The following STX4 variants were observed in gnomAD, a reference collection of about 807,000 sequenced individuals.
STX4 encodes the protein syntaxin 4.
In STX4, 24 loss-of-function variants were observed where a neutral mutation model predicts 41.8. That is an observed-to-expected ratio of 0.57 (90% CI 0.42 to 0.81). The LOEUF (loss-of-function observed/expected upper bound fraction) is 0.81. STX4 is among the 30% of genes least tolerant of loss of function. STX4 has a pLI of 0.00. For missense variants in STX4, 316 were observed against 389.9 expected, an observed-to-expected ratio of 0.81 and a Z score of 1.60; for synonymous variants, 158 against 156.4, an observed-to-expected ratio of 1.01 and a Z score of -0.08.
At position 31,039,988 on chromosome 16, in the gene STX4, G is replaced by A. The variant is rs1388240474; in HGVS notation, c.*92G>A. ...GGGGGCAGGGCAGAGCCTCCAGTCG[G>A]ACCCCTTCCTCACACTGGCCCCTAT... On this transcript the variant is annotated 3_prime_UTR_variant, in exon 11 of 11. Transcript: ENST00000313843. This position sits in a 1 kb window ranked among gnomAD's most constrained non-coding sequence, Gnocchi z 4.1. 2.3e-5 allele frequency: 15 copies of A among 652,234 alleles called. No individual in the cohort carries two copies. Among genetic ancestry groups the A allele is most frequent in the Admixed American group, 1.4e-4 (5 of 35,332 alleles). The allele number at this position is 652,234 out of a possible 1,614,324, so 40.4% of individuals were successfully genotyped here. A position where few individuals can be genotyped will look rare whatever the true frequency, so the allele number is the denominator to read the frequency against.
At position 31,034,497 on chromosome 16, in the gene STX4, A is replaced by C. The variant is rs139153719; in HGVS notation, c.268A>C (p.Ile90Leu). 8.7e-6 allele frequency: 14 copies of C among 1,604,476 alleles called. No individual in the cohort carries two copies. Among genetic ancestry groups the C allele is most frequent in the Non-Finnish European group, 1.2e-5 (14 of 1,174,108 alleles). ...KQELQNLRDE[I>L]KQLGREIRLQ... The stretch of plus-strand genomic sequence containing the variant: ...GGAGCTGCAGAACCTGCGCGATGAG[A>C]TCAAACAGCTGGGGAGGGAGATCCG... The change falls in exon 4 of 11, where the codon ATC (isoleucine) becomes CTC (leucine). Residue 90 changes from isoleucine to leucine, a missense_variant. Coordinates refer to ENST00000313843, the MANE Select transcript of STX4 (RefSeq NM_004604.5).
At chr16:31,037,734 T>C (rs1379731255) in intron 5 of STX4, among the ~76,000 whole-genome samples, 192 bp from the exon 6 acceptor site, 1 of 151,940 alleles carries the variant, frequency 6.6e-6, no homozygotes, top group Non-Finnish European at 1.5e-5. Context: ...GAGGACCACA[T>C]AGGCCTGATA....
rs1481065149 is a variant in STX4, at chr16:31,040,069, C to A, written c.*173C>A. ...GCAGCTGCTCATTCATGATGGCCTCCTCCTTCAGGCCTCAATGCCTGGGGG... is the reference window on the plus strand; with the variant it reads ...GCAGCTGCTCATTCATGATGGCCTCATCCTTCAGGCCTCAATGCCTGGGGG... On this transcript the variant is annotated 3_prime_UTR_variant, in exon 11 of 11. Transcript: ENST00000313843. 2 of 548,876 alleles carry A rather than the reference C, an allele frequency of 3.6e-6. No homozygotes were observed. The highest frequency in any genetic ancestry group is 3.3e-6 in the Non-Finnish European group (1 of 304,908). The allele number at this position is 548,876 out of a possible 1,614,324, so 34.0% of individuals were successfully genotyped here.
intron 7 of STX4, 72 bp downstream of exon 7, chr16:31,038,262 C>A: frequency 6.3e-7 from 1 of 1,581,246 alleles, no homozygotes; most frequent in Non-Finnish European, 8.6e-7. Flanking sequence ...TTCTCGACCT[C>A]CTGGGCTCAG....
chr16:31,034,990 G>A lies in STX4; in HGVS notation c.328G>A (p.Glu110Lys). The A allele has an allele frequency of 6.2e-7, 1 of 1,611,198 alleles. No homozygotes were observed. Among genetic ancestry groups the A allele is most frequent in the Non-Finnish European group, 8.5e-7 (1 of 1,179,092 alleles). The change falls in exon 5 of 11, where the codon GAA becomes AAA. Residue 110 changes from glutamate (E) to lysine (K), a missense_variant. Physicochemically the swap from Glu to Lys is moderately conservative, Grantham distance 56. Coordinates refer to ENST00000313843, the MANE Select transcript of STX4 (RefSeq NM_004604.5). The stretch of plus-strand genomic sequence containing the variant: ...CACAGCCATAGAGCCCCAGAAGGAG[G>A]AAGCTGATGAGAACTATAACTCCGT... ...QLKAIEPQKE[E>K]ADENYNSVNT...
intron 8 of STX4, 135 bp downstream of exon 8, chr16:31,038,782 C>T (rs955435359): frequency 8.6e-7 from 1 of 1,164,118 alleles, no homozygotes; most frequent in Non-Finnish European, 1.2e-6. Flanking sequence ...GTGCTTATTC[C>T]TATCCTTAGC....
At chr16:31,037,821 C>T (rs532159418) in intron 5 of STX4, 105 bp from the exon 6 acceptor site, 28 of 1,117,256 alleles carry the variant, frequency 2.5e-5, no homozygotes, top group East Asian at 1.9e-4. Flanking sequence ...TGGCAGATCC[C>T]GCATAAGAGC....
At position 31,033,636 on chromosome 16, in the gene STX4, G is replaced by C. The variant is rs2056773117; in HGVS notation, c.-170G>C. 3 of 1,474,772 alleles carry C rather than the reference G, an allele frequency of 2.0e-6. No homozygotes were observed. Among genetic ancestry groups the C allele is most frequent in the Non-Finnish European group, 2.7e-6 (3 of 1,114,110 alleles). 91.4% of individuals were successfully genotyped at this position (1,474,772 alleles called of 1,614,324 possible). A position where few individuals can be genotyped will look rare whatever the true frequency, so the allele number is the denominator to read the frequency against. On this transcript the variant is annotated 5_prime_UTR_variant, in exon 1 of 11. Coordinates refer to ENST00000313843, the MANE Select transcript of STX4 (RefSeq NM_004604.5). The surrounding 1 kb of genome is among the most constrained non-coding windows in gnomAD (Gnocchi z 5.5). ...ACCTTGGGGGGTCCCCGGGGTCGGCGCCTTCCCATTGACTGTGGGCGGTGC... is the reference window on the plus strand; with the variant it reads ...ACCTTGGGGGGTCCCCGGGGTCGGCCCCTTCCCATTGACTGTGGGCGGTGC...
Position 31,034,213 on chromosome 16 carries a change from T to C in STX4, c.133-13T>C, listed in dbSNP as rs780963217. The C allele has an allele frequency of 5.6e-6, 9 of 1,613,924 alleles. No individual in the cohort carries two copies. The Admixed American group carries it at 1.5e-4, about 27-fold the overall frequency. The stretch of plus-strand genomic sequence containing the variant: ...CCCATATCTCTTTCAGCCCTCTCGG[T>C]CACCCTCCCCAGGTCCGGACAATTC... On this transcript the variant is annotated splice_polypyrimidine_tract_variant and intron_variant, in intron 2 of 10. Coordinates refer to ENST00000313843, the MANE Select transcript of STX4 (RefSeq NM_004604.5).
Position 31,038,637 on chromosome 16 carries a change from T to C in STX4, c.692T>C (p.Val231Ala), listed in dbSNP as rs1375621480. 2 of 1,614,012 alleles carry C rather than the reference T, an allele frequency of 1.2e-6. No homozygotes were observed. The highest frequency in any genetic ancestry group is 1.7e-6 in the Non-Finnish European group (2 of 1,179,988). ...ATATTCACTTTTCTGGCTACCGAAG[T>C]GGAGATGCAGGTGGGTGCCCCGCGC... The part of the protein sequence containing the change: ...HDIFTFLATE[V>A]EMQGEMINRI... The change falls in exon 8 of 11, where the codon GTG becomes GCG. Residue 231 changes from valine (V) to alanine (A), a missense_variant. Coordinates refer to ENST00000313843, the MANE Select transcript of STX4 (RefSeq NM_004604.5).
chr16:31,039,683 G>C lies in STX4; in HGVS notation c.813+32G>C. 4 of 1,614,132 alleles carry C rather than the reference G, an allele frequency of 2.5e-6. No homozygotes were observed. The highest frequency in any genetic ancestry group is 3.4e-6 in the Non-Finnish European group (4 of 1,180,004). On this transcript the variant is annotated intron_variant, in intron 9 of 10. Coordinates refer to ENST00000313843, the MANE Select transcript of STX4 (RefSeq NM_004604.5). This position sits in a 1 kb window ranked among gnomAD's most constrained non-coding sequence, Gnocchi z 4.1. Reference sequence around the variant, plus strand: ...CTCCCAGGCCCGGCCACTGCCCCAGGCACCCTGTGTGACTTCCCTGACCCC... The same window carrying C: ...CTCCCAGGCCCGGCCACTGCCCCAGCCACCCTGTGTGACTTCCCTGACCCC...
At chr16:31,033,376 C>A (rs1332256696), upstream of STX4, 3 of 1,059,732 alleles carry the variant, frequency 2.8e-6, no homozygotes, top group Non-Finnish European at 4.3e-6. This position sits in a 1 kb window ranked among gnomAD's most constrained non-coding sequence, Gnocchi z 5.5. Context: ...ATTCCTACCC[C>A]TTTTGGCAAC....
At chr16:31,034,203 G>T (rs1374770220) in intron 2 of STX4, 23 bp from the exon 3 acceptor site, 19 of 1,614,054 alleles carry the variant, frequency 1.2e-5, no homozygotes, top group Non-Finnish European at 1.6e-5. Context: ...ATCTCTTTCA[G>T]CCCTCTCGGT....
rs750841502 is a variant in STX4 at position 31,035,042 on chromosome 16, T to G, written c.378+2T>G. 1 of 1,599,608 alleles carries G rather than the reference T, an allele frequency of 6.3e-7. No homozygotes were observed. ...AACACAAGAATGAGAAAAACCCAGG[T>G]GGGTTTTTTTTCTCAGAAATGAGGA... On this transcript the variant is annotated splice_donor_variant, in intron 5 of 10. Coordinates refer to ENST00000313843, the MANE Select transcript of STX4 (RefSeq NM_004604.5). LOFTEE classifies it high-confidence loss of function.
Position 31,033,817 on chromosome 16 carries a change from G to T in STX4, c.12G>T (p.Arg4Ser). 1 of 1,455,188 alleles carries T rather than the reference G, an allele frequency of 6.9e-7. No individual in the cohort carries two copies. Among genetic ancestry groups the T allele is most frequent in the Non-Finnish European group, 9.1e-7 (1 of 1,101,612 alleles). 90.1% of individuals were successfully genotyped at this position (1,455,188 alleles called of 1,614,324 possible). A position where few individuals can be genotyped will look rare whatever the true frequency, so the allele number is the denominator to read the frequency against. Reference protein sequence around the residue: MRDRTHELRQGDDS... With the variant: MRDSTHELRQGDDS... The stretch of plus-strand genomic sequence containing the variant: ...GAGCTCAGGCCGCCATGCGGGACAG[G>T]ACCCACGAGCTGAGACAGGTGAGAC... Residue 4 changes from arginine (R) to serine (S), a missense_variant, in exon 1 of 11, where the codon AGG becomes AGT. Physicochemically the swap from Arg to Ser is moderately radical, Grantham distance 110. Coordinates refer to ENST00000313843, the MANE Select transcript of STX4 (RefSeq NM_004604.5). The surrounding 1 kb of genome is among the most constrained non-coding windows in gnomAD (Gnocchi z 5.5).
Position 31,033,611 on chromosome 16 carries a change from A to T in STX4, c.-195A>T. On this transcript the variant is annotated 5_prime_UTR_variant, in exon 1 of 11. Transcript: ENST00000313843. The surrounding 1 kb of genome is among the most constrained non-coding windows in gnomAD (Gnocchi z 5.5). The stretch of plus-strand genomic sequence containing the variant: ...AGAAAAGGGAATTCCAACCTGTGGA[A>T]CCTTGGGGGGTCCCCGGGGTCGGCG... 2.0e-6 allele frequency: 3 copies of T among 1,494,084 alleles called. No individual in the cohort carries two copies. The highest frequency in any genetic ancestry group is 2.7e-6 in the Non-Finnish European group (3 of 1,121,174). 92.6% of individuals were successfully genotyped at this position (1,494,084 alleles called of 1,614,324 possible).
chr16:31,038,999 G>C (rs1374716616), intron 8 of STX4: 7 of 278,332 alleles, frequency 2.5e-5, no homozygotes, highest in Non-Finnish European at 4.9e-5. Context: ...TCTGTACAAG[G>C]CTGGGGTGGG....
At position 31,038,625 on chromosome 16, in the gene STX4, T is replaced by C. The variant is rs2056821416; in HGVS notation, c.680T>C (p.Leu227Pro). ...IRELHDIFTF[L>P]ATEVEMQGEM... ...GAGCTGCACGACATATTCACTTTTC[T>C]GGCTACCGAAGTGGAGATGCAGGTG... Residue 227 changes from leucine to proline, a missense_variant, in exon 8 of 11, where the codon CTG becomes CCG. Leu to Pro is a moderately conservative substitution (Grantham distance 98). Transcript: ENST00000313843. The C allele has an allele frequency of 6.2e-7, 1 of 1,614,008 alleles. No individual in the cohort carries two copies. The highest frequency in any genetic ancestry group is 8.5e-7 in the Non-Finnish European group (1 of 1,180,044).
In STX4 at chr16:31,033,580, C is replaced by T. The variant is rs963649633; in HGVS notation, c.-226C>T. The T allele has an allele frequency of 3.3e-6, 5 of 1,533,268 alleles. No homozygotes were observed. Among genetic ancestry groups the T allele is most frequent in the Non-Finnish European group, 3.5e-6 (4 of 1,137,896 alleles). 95.0% of individuals were successfully genotyped at this position (1,533,268 alleles called of 1,614,324 possible). A position where few individuals can be genotyped will look rare whatever the true frequency, so the allele number is the denominator to read the frequency against. On this transcript the variant is annotated 5_prime_UTR_variant, in exon 1 of 11. Transcript: ENST00000313843. The surrounding 1 kb of genome is among the most constrained non-coding windows in gnomAD (Gnocchi z 5.5). The stretch of plus-strand genomic sequence containing the variant: ...GGGGCTGAGGCTGCGGGAGCTGGAG[C>T]GGGGAAGAAAAGGGAATTCCAACCT...
Sources: allele counts gnomAD v4.1 joint callset (sites outside exome capture counted in the v4.1 genomes callset), GRCh38; gene constraint gnomAD v4.1.1; non-coding constraint Gnocchi (gnomAD v3.1); transcripts MANE v1.5; gene names NCBI Gene and HGNC (gene_info 2026-07-23, HGNC 2026-07-21).